ROBO2: variants seen among roughly 807,000 people sequenced by gnomAD.
ROBO2 encodes the protein roundabout guidance receptor 2, also known as roundabout homolog 2.
A neutral mutation model predicts 160.8 loss-of-function variants in ROBO2; 53 were observed. The observed-to-expected ratio is 0.33, with a 90% CI of 0.26 to 0.41. The LOEUF is 0.41. Among genes scored for constraint, ROBO2 ranks in the 10% least tolerant of loss-of-function variants. The pLI is 1.00. For missense variants in ROBO2, 1,577 were observed against 1,722.4 expected (o/e 0.92, Z 1.49); for synonymous variants, 664 against 611.7 (o/e 1.09, Z -1.26).
intron 2 of ROBO2, among the ~76,000 whole-genome samples, chr3:76,344,323 G>T (rs1192521556): frequency 6.6e-6 from 1 of 152,084 alleles, no homozygotes; most frequent in Non-Finnish European, 1.5e-5. Flanking sequence ...ACAAAAGTGT[G>T]ATATGCATAT....
At chr3:76,830,775 GAGATGACGC>G (rs1446239710) in intron 2 of ROBO2, among the ~76,000 whole-genome samples, 3 of 147,508 alleles carry the variant, frequency 2.0e-5, no homozygotes, top group African/African-American at 7.6e-5. Context: ...CCCAGAATTT[GAGATGACGC>G]TGGGCAACAA....
At chr3:76,016,890 G>A (rs1310049907) in intron 2 of ROBO2, among the ~76,000 whole-genome samples, 3 of 151,982 alleles carry the variant, frequency 2.0e-5, no homozygotes, top group Admixed American at 6.6e-5. Flanking sequence ...AAGACTAAAC[G>A]TTTCAAGAGG....
At chr3:76,343,711 G>C (rs965988027) in intron 2 of ROBO2, among the ~76,000 whole-genome samples, 7 of 152,098 alleles carry the variant, frequency 4.6e-5, no homozygotes, top group South Asian at 2.1e-4. Flanking sequence ...GTGAGATTTT[G>C]GCCTTAGAAG....
intron 2 of ROBO2, among the ~76,000 whole-genome samples, chr3:77,455,487 A>G (rs924832249): frequency 6.6e-6 from 1 of 152,142 alleles, no homozygotes; most frequent in Non-Finnish European, 1.5e-5. Flanking sequence ...GCTGGAATGC[A>G]GTGGCACAGT....
chr3:77,442,330 A>G (rs964673702), intron 2 of ROBO2, among the ~76,000 whole-genome samples: 31 of 152,102 alleles, frequency 2.0e-4, no homozygotes, highest in African/African-American at 7.5e-4. Context: ...AAAAAAAAAA[A>G]ATTACATTCA....
At chr3:76,164,166 A>C (rs1195560808) in intron 2 of ROBO2, among the ~76,000 whole-genome samples, 2 of 152,212 alleles carry the variant, frequency 1.3e-5, no homozygotes, top group Non-Finnish European at 1.5e-5. Flanking sequence ...ACAACTTCTC[A>C]TGCATTAAAT....
chr3:76,844,455 A>G (rs2068591652), intron 2 of ROBO2, among the ~76,000 whole-genome samples: 1 of 152,008 alleles, frequency 6.6e-6, no homozygotes, highest in Admixed American at 6.6e-5. Context: ...TGTAGGTTTC[A>G]GATCATGGAG....
intron 2 of ROBO2, among the ~76,000 whole-genome samples, chr3:76,260,570 G>T (rs933213111): frequency 6.6e-6 from 1 of 151,588 alleles, no homozygotes; most frequent in African/African-American, 2.4e-5. Context: ...CATTGGTGAG[G>T]GTATGAATCC....
intron 2 of ROBO2, among the ~76,000 whole-genome samples, chr3:76,778,291 A>T (rs2062409937): frequency 6.6e-6 from 1 of 151,152 alleles, no homozygotes; most frequent in Non-Finnish European, 1.5e-5. Context: ...CCTTTTGAAC[A>T]CTTAGCATAC....
intron 2 of ROBO2, among the ~76,000 whole-genome samples, chr3:75,991,853 G>A (rs1376348045): frequency 6.6e-6 from 1 of 152,124 alleles, no homozygotes; most frequent in Admixed American, 6.5e-5. Flanking sequence ...TGGAGATGAG[G>A]AACTAGACTC....
chr3:76,828,516 G>C (rs887881684), intron 2 of ROBO2, among the ~76,000 whole-genome samples: 7 of 152,038 alleles, frequency 4.6e-5, no homozygotes, highest in Non-Finnish European at 1.5e-5. Context: ...AAATTTGTCA[G>C]AGCACCAAAA....
intron 2 of ROBO2, among the ~76,000 whole-genome samples, chr3:76,467,272 A>G (rs1239672400): frequency 6.6e-6 from 1 of 152,108 alleles, no homozygotes; most frequent in Non-Finnish European, 1.5e-5. Flanking sequence ...TAAGACAACC[A>G]AAGGTGATTA....
intron 2 of ROBO2, among the ~76,000 whole-genome samples, chr3:76,348,869 G>A (rs145880918): frequency 3.9e-5 from 6 of 152,220 alleles, no homozygotes; most frequent in Non-Finnish European, 7.4e-5. Context: ...TATTGAACAT[G>A]TTCAAAAAGT....
At chr3:76,012,773 A>T (rs1043557088) in intron 2 of ROBO2, among the ~76,000 whole-genome samples, 5 of 152,118 alleles carry the variant, frequency 3.3e-5, no homozygotes, top group African/African-American at 1.2e-4. Context: ...ATGAGGTAAT[A>T]TGTATAAAGG....
At chr3:76,276,092 ACTC>A in intron 2 of ROBO2, among the ~76,000 whole-genome samples, 1 of 152,014 alleles carries the variant, frequency 6.6e-6, no homozygotes, top group Non-Finnish European at 1.5e-5. Context: ...TAAAGAAAAA[ACTC>A]AAAAATCCAA....
At chr3:77,139,420 C>G (rs2076531369) in intron 2 of ROBO2, among the ~76,000 whole-genome samples, 1 of 152,116 alleles carries the variant, frequency 6.6e-6, no homozygotes, top group Non-Finnish European at 1.5e-5. Context: ...TGGAGCAGTT[C>G]ATCTAACCAG....
intron 2 of ROBO2, among the ~76,000 whole-genome samples, chr3:77,402,331 G>A (rs570888927): frequency 6.6e-6 from 1 of 152,244 alleles, no homozygotes; most frequent in Non-Finnish European, 1.5e-5. Context: ...AATACCTAAT[G>A]TAGGTGATAG....
In ROBO2 at chr3:75,922,935, G is replaced by T. The variant is rs140614080; in HGVS notation, c.-13-14546G>T. 2.3e-3 allele frequency among the ~76,000 whole-genome samples: 350 copies of T among 152,206 alleles called. 1 individual carries two copies. The highest frequency in any genetic ancestry group is 7.0e-3 in the African/African-American group (291 of 41,534). ...TACCTGGATAATATGCATTCCATTA[G>T]TTCTTTTAAACTTTTGCATTCTCAA... On this transcript the variant is annotated intron_variant, in intron 1 of 26. Transcript: ENST00000487694.
chr3:76,016,265 T>C (rs2066401782), intron 2 of ROBO2, among the ~76,000 whole-genome samples: 1 of 152,122 alleles, frequency 6.6e-6, no homozygotes, highest in South Asian at 2.1e-4. Context: ...GCTGTGCTTT[T>C]TAGAGGAACA....
Sources: allele counts gnomAD v4.1 joint callset (sites outside exome capture counted in the v4.1 genomes callset), GRCh38; gene constraint gnomAD v4.1.1; transcripts MANE v1.5; gene names NCBI Gene and HGNC (gene_info 2026-07-23, HGNC 2026-07-21).